The following PUS10 variants were observed in gnomAD, a reference collection of about 807,000 sequenced individuals.
PUS10 encodes the protein tRNA pseudouridine synthase Pus10.
PUS10 carries 59 observed loss-of-function variants against 75.0 expected under a neutral mutation model. That is an observed-to-expected ratio of 0.79 (90% confidence interval 0.64 to 0.98). The LOEUF (loss-of-function observed/expected upper bound fraction) is 0.98, where lower values mean the gene tolerates loss of function less well. Among genes scored for constraint, PUS10 ranks in the 50% least tolerant of loss-of-function variants. The pLI, the probability that PUS10 is intolerant of heterozygous loss-of-function variation, is 0.00. For missense variants in PUS10, 650 were observed against 614.4 expected (o/e 1.06, Z -0.61); for synonymous variants, 219 against 211.6 (o/e 1.03, Z -0.30).
chr2:60,945,278 G>A (rs1484857482), intron 16 of PUS10, among the ~76,000 whole-genome samples, 170 bp from the exon 17 acceptor site: 1 of 152,172 alleles, frequency 6.6e-6, no homozygotes, highest in Non-Finnish European at 1.5e-5. Context: ...GTCCCTAGTA[G>A]CCTGGCAGCC....
intron 6 of PUS10, 93 bp from the exon 7 acceptor site, chr2:60,965,577 G>T: frequency 3.2e-6 from 3 of 930,046 alleles, no homozygotes; most frequent in Non-Finnish European, 4.9e-6. Context: ...TCAAAGATTG[G>T]CTCAGAAAAG....
In PUS10 at chr2:60,941,583, A is replaced by G. The variant is rs1674628455; in HGVS notation, c.*812T>C. ...TTATAATTGGATAATATATTGAAGC[A>G]TTCTGAAATAATACCAGTTCGTCTT... On this transcript the variant is annotated 3_prime_UTR_variant, in exon 18 of 18. Transcript: ENST00000316752. The G allele has an allele frequency of 6.6e-6, 1 of 152,332 alleles. No individual in the cohort carries two copies. The highest frequency in any genetic ancestry group is 1.5e-5 in the Non-Finnish European group (1 of 68,012). The allele number at this position is 152,332 out of a possible 1,614,324, so 9.4% of individuals were successfully genotyped here.
At chr2:61,004,022 G>C (rs1418282749) in intron 4 of PUS10, among the ~76,000 whole-genome samples, 1 of 152,120 alleles carries the variant, frequency 6.6e-6, no homozygotes, top group South Asian at 2.1e-4. Context: ...ATTCTGGTGT[G>C]AATTATGAGA....
intron 1 of PUS10, among the ~76,000 whole-genome samples, chr2:61,013,036 G>A (rs974222793): frequency 1.3e-5 from 2 of 150,464 alleles, no homozygotes; most frequent in African/African-American, 4.9e-5. Context: ...GTTCACTTGA[G>A]GCCAGGAGTT....
At chr2:60,958,300 C>G (rs1388237662) in intron 11 of PUS10, among the ~76,000 whole-genome samples, 1 of 152,142 alleles carries the variant, frequency 6.6e-6, no homozygotes, top group Admixed American at 6.5e-5. Flanking sequence ...AAGCTCATGG[C>G]AAAGCCCAGG....
intron 4 of PUS10, among the ~76,000 whole-genome samples, chr2:61,004,997 G>A (rs1043588845): frequency 4.6e-5 from 7 of 152,228 alleles, no homozygotes; most frequent in Non-Finnish European, 1.0e-4. Flanking sequence ...ACTCATGCCT[G>A]TAATCCCAGC....
chr2:60,964,187 G>A (rs1040668683), intron 8 of PUS10, among the ~76,000 whole-genome samples: 3 of 152,226 alleles, frequency 2.0e-5, no homozygotes, highest in African/African-American at 4.8e-5. Context: ...GTAGGGAGGT[G>A]CTGCTTTCGG....
chr2:61,014,145 G>A (rs1014366441), intron 1 of PUS10, among the ~76,000 whole-genome samples: 2 of 152,058 alleles, frequency 1.3e-5, no homozygotes, highest in Non-Finnish European at 2.9e-5. Context: ...AAGCCGAGGC[G>A]GGCGGATCAC....
At chr2:60,990,159 C>CG (rs2104556895) in intron 4 of PUS10, among the ~76,000 whole-genome samples, 1 of 151,414 alleles carries the variant, frequency 6.6e-6, no homozygotes, top group Admixed American at 6.6e-5. Context: ...CACGCACGCA[C>CG]GGGAAAAAAA....
At chr2:60,994,443 T>C (rs1301591206) in intron 4 of PUS10, among the ~76,000 whole-genome samples, 1 of 151,714 alleles carries the variant, frequency 6.6e-6, no homozygotes, top group East Asian at 1.9e-4. Flanking sequence ...AATTCCTGAA[T>C]TTTAAGATAG....
At chr2:60,967,651 C>T in intron 5 of PUS10, 38 bp from the exon 6 acceptor site, 1 of 1,436,364 alleles carries the variant, frequency 7.0e-7, no homozygotes, top group Non-Finnish European at 9.6e-7. Flanking sequence ...ACATGAAAAA[C>T]TTTACTTTTT....
Position 60,999,917 on chromosome 2 carries a change from G to C in PUS10, c.468+6640C>G, listed in dbSNP as rs555815177. On this transcript the variant is annotated intron_variant, in intron 4 of 17. Transcript: ENST00000316752. Reference sequence around the variant, plus strand: ...CTATTTACATAGCACCCACATTGTAGTATATAAGTAATCTTGAGATGATTT... The same window carrying C: ...CTATTTACATAGCACCCACATTGTACTATATAAGTAATCTTGAGATGATTT... Among the ~76,000 whole-genome samples, 3 of 152,230 alleles carry C rather than the reference G, an allele frequency of 2.0e-5. No homozygotes were observed. In the South Asian group the frequency reaches 6.2e-4, roughly 32 times the overall value.
At chr2:60,988,474 T>C (rs777551835) in intron 4 of PUS10, among the ~76,000 whole-genome samples, 1 of 152,152 alleles carries the variant, frequency 6.6e-6, no homozygotes, top group Non-Finnish European at 1.5e-5. Flanking sequence ...AAAAACAATA[T>C]AGTACACTTT....
At chr2:60,971,847 T>C (rs893010433) in intron 4 of PUS10, among the ~76,000 whole-genome samples, 1 of 151,324 alleles carries the variant, frequency 6.6e-6, no homozygotes, top group South Asian at 2.1e-4. Context: ...TGAGTGTTTC[T>C]TTTTCTTTCT....
At position 60,942,327 on chromosome 2, in the gene PUS10, C is replaced by A. The variant is rs192092122; in HGVS notation, c.*68G>T. ...TTATGGTGGGTAAACAGCCATTTTACGGCATGTGCTCCATGGATGTCCACA... is the reference window on the plus strand; with the variant it reads ...TTATGGTGGGTAAACAGCCATTTTAAGGCATGTGCTCCATGGATGTCCACA... On this transcript the variant is annotated 3_prime_UTR_variant, in exon 18 of 18. Coordinates refer to ENST00000316752, the MANE Select transcript of PUS10 (RefSeq NM_144709.4). The A allele has an allele frequency of 1.3e-5, 17 of 1,290,992 alleles. No individual in the cohort carries two copies. The highest frequency in any genetic ancestry group is 1.8e-5 in the Non-Finnish European group (16 of 885,814). 80.0% of individuals were successfully genotyped at this position (1,290,992 alleles called of 1,614,324 possible).
At chr2:60,951,132 CATG>C (rs774453762) in intron 15 of PUS10, among the ~76,000 whole-genome samples, 1 of 152,148 alleles carries the variant, frequency 6.6e-6, no homozygotes, top group Non-Finnish European at 1.5e-5. Context: ...TCATATTTTT[CATG>C]ATAAGTATAA....
At chr2:60,999,169 C>G (rs1318892335) in intron 4 of PUS10, among the ~76,000 whole-genome samples, 1 of 152,134 alleles carries the variant, frequency 6.6e-6, no homozygotes, top group Admixed American at 6.5e-5. Context: ...AAAACTAAAA[C>G]TGAAAAGCAT....
intron 16 of PUS10, 81 bp from the exon 17 acceptor site, chr2:60,945,189 A>T (rs1292811231): frequency 9.5e-6 from 8 of 841,776 alleles, no homozygotes; most frequent in Non-Finnish European, 1.6e-5. Flanking sequence ...AAATAATAAT[A>T]AGAGCAGAAA....
intron 4 of PUS10, among the ~76,000 whole-genome samples, chr2:60,981,345 A>G (rs1300650019): frequency 6.6e-6 from 1 of 151,996 alleles, no homozygotes; most frequent in Non-Finnish European, 1.5e-5. Context: ...TGCAACAGCA[A>G]GATTTCGGCT....
Sources: gnomAD v4.1 joint callset for allele counts (sites outside exome capture counted in the v4.1 genomes callset) on GRCh38, gnomAD v4.1.1 for gene constraint, MANE v1.5 for transcripts, NCBI Gene and HGNC (gene_info 2026-07-23, HGNC 2026-07-21) for gene names.